The following CD163L1 variants were observed in gnomAD, a reference collection of about 807,000 sequenced individuals.
The protein encoded by CD163L1 is scavenger receptor cysteine-rich type 1 protein M160.
In CD163L1, 124 loss-of-function variants were observed where a neutral mutation model predicts 165.4. The ratio of observed to expected loss-of-function variants is 0.75; its 90% confidence interval spans 0.65 to 0.87. The LOEUF (loss-of-function observed/expected upper bound fraction) is 0.87, where lower values mean the gene tolerates loss of function less well. Ranked by LOEUF, CD163L1 falls within the 40% of genes least tolerant of loss-of-function variation. The probability of loss-of-function intolerance (pLI) is 0.00; values close to 1 mark genes in which losing one functional copy is unlikely to be tolerated. For synonymous variants in CD163L1, 585 were observed against 662.2 expected (o/e 0.88, Z 1.79); for missense variants, 1,525 against 1,799.9 (o/e 0.85, Z 2.76).
chr12:7,335,847 G>A, the CD163L1 span, among the ~76,000 whole-genome samples: 23 of 152,164 alleles, frequency 1.5e-4, no homozygotes, highest in Admixed American at 1.0e-3. Flanking sequence ...AGTGGGCAAA[G>A]GATATGAACA....
At chr12:7,328,364 A>G in the CD163L1 span, 2 of 1,587,880 alleles carry the variant, frequency 1.3e-6, no homozygotes, top group South Asian at 2.3e-5. Flanking sequence ...AAGAATGGAG[A>G]GGAAGATAGT....
intron 8 of CD163L1, among the ~76,000 whole-genome samples, chr12:7,393,934 T>C (rs1035196635): frequency 9.2e-5 from 14 of 152,050 alleles, no homozygotes; most frequent in Non-Finnish European, 1.6e-4. Context: ...CACAAACAAA[T>C]GGAAGAACAT....
At chr12:7,328,111 C>T in the CD163L1 span, among the ~76,000 whole-genome samples, 2 of 152,172 alleles carry the variant, frequency 1.3e-5, no homozygotes, top group African/African-American at 4.8e-5. Flanking sequence ...TGGAGCTACA[C>T]TATCACCCTT....
At position 7,373,459 on chromosome 12, in the gene CD163L1, T is replaced by C. The variant is rs1947184776; in HGVS notation, c.3591A>G (p.Leu1197=). The C allele has an allele frequency of 6.2e-7, 1 of 1,614,156 alleles. No individual in the cohort carries two copies. Among genetic ancestry groups the C allele is most frequent in the East Asian group, 2.2e-5 (1 of 44,878 alleles). ...ACATGAAACCAGAGCCTGTCTTAGA[T>C]AAAGGGGCGAGGCTGACAACTCCAT... ...GENGVVSLAP[L]SKTGSGFMWV... is the part of the protein sequence containing the mutation. Residue 1197 remains leucine, a synonymous_variant, in exon 14 of 20, where the codon TTA becomes TTG. Coordinates refer to ENST00000313599, the MANE Select transcript of CD163L1 (RefSeq NM_174941.6).
downstream of CD163L1, among the ~76,000 whole-genome samples, chr12:7,351,935 A>G (rs1946709004): frequency 6.6e-6 from 1 of 152,202 alleles, no homozygotes; most frequent in South Asian, 2.1e-4. Flanking sequence ...TGTTAGCAAT[A>G]GGCTATAATC....
chr12:7,323,519 C>T, the CD163L1 span: 1 of 1,613,858 alleles, frequency 6.2e-7, no homozygotes, highest in Non-Finnish European at 8.5e-7. Context: ...TGCCCTCAGA[C>T]TCAAACCTAC....
chr12:7,406,423 T>C, intron 5 of CD163L1, 109 bp downstream of exon 5: 5 of 1,013,348 alleles, frequency 4.9e-6, no homozygotes, highest in Non-Finnish European at 7.3e-6. Context: ...GGTTGTAACT[T>C]CTTCACAATT....
At chr12:7,396,819 G>GTC (rs933638492) in intron 7 of CD163L1, among the ~76,000 whole-genome samples, 3 of 151,320 alleles carry the variant, frequency 2.0e-5, no homozygotes, top group Non-Finnish European at 4.4e-5. Context: ...ATAAATCTCT[G>GTC]TCTCTCTCTC....
Position 7,398,476 on chromosome 12 carries a change from C to G in CD163L1, c.1517G>C (p.Ser506Thr). The change falls in exon 7 of 20, where the codon AGC (serine) becomes ACC (threonine). Residue 506 changes from serine to threonine, a missense_variant. Transcript: ENST00000313599. The surrounding 1 kb of genome is among the most constrained non-coding windows in gnomAD (Gnocchi z 4.5). ...ACAAACAACAGCTGCATTCCTTGTG[C>G]TCCATCTGTCATGACACACAGTCCC... ...EWGTVCHDRW[S>T]TRNAAVVCKQ... 2 of 1,613,980 alleles carry G rather than the reference C, an allele frequency of 1.2e-6. No homozygotes were observed. Among genetic ancestry groups the G allele is most frequent in the Non-Finnish European group, 8.5e-7 (1 of 1,179,878 alleles).
the CD163L1 span, among the ~76,000 whole-genome samples, chr12:7,334,520 C>T: frequency 6.6e-6 from 1 of 152,060 alleles, no homozygotes; most frequent in African/African-American, 2.4e-5. Flanking sequence ...TATGACAAAC[C>T]CACAGTCAAT....
At chr12:7,414,799 G>A (rs142561697) in intron 4 of CD163L1, among the ~76,000 whole-genome samples, 319 of 152,198 alleles carry the variant, frequency 2.1e-3, no homozygotes, top group African/African-American at 7.3e-3. Flanking sequence ...AGAGTGGGAT[G>A]AAATAGTGAA....
At chr12:7,361,487 A>G (rs1946890211) in intron 18 of CD163L1, among the ~76,000 whole-genome samples, 1 of 152,136 alleles carries the variant, frequency 6.6e-6, no homozygotes, top group African/African-American at 2.4e-5. Flanking sequence ...CTATTCAGAG[A>G]AGTAAGTCTT....
intron 8 of CD163L1, among the ~76,000 whole-genome samples, chr12:7,382,195 T>C (rs1040833326): frequency 1.3e-5 from 2 of 151,982 alleles, no homozygotes; most frequent in African/African-American, 4.8e-5. Flanking sequence ...GGGTAGTTTC[T>C]ATGGATTGGA....
chr12:7,341,317 A>G, the CD163L1 span, among the ~76,000 whole-genome samples: 1 of 152,220 alleles, frequency 6.6e-6, no homozygotes, highest in Non-Finnish European at 1.5e-5. Flanking sequence ...GACAATCTAT[A>G]CAGGTTGGGA....
At chr12:7,440,570 C>T (rs1948817373) in intron 2 of CD163L1, among the ~76,000 whole-genome samples, 1 of 151,520 alleles carries the variant, frequency 6.6e-6, no homozygotes, top group African/African-American at 2.4e-5. Context: ...TGCAAAAATA[C>T]AATATCCATA....
chr12:7,324,063 A>G, the CD163L1 span, among the ~76,000 whole-genome samples: 1 of 152,058 alleles, frequency 6.6e-6, no homozygotes, highest in Non-Finnish European at 1.5e-5. Flanking sequence ...CTGTGGTCCC[A>G]GCTACTCAGG....
At chr12:7,320,706 G>A in the CD163L1 span, 1 of 1,600,942 alleles carries the variant, frequency 6.2e-7, no homozygotes, top group Non-Finnish European at 8.6e-7. Flanking sequence ...TGACATCTGT[G>A]TCTTTCTCCA....
intron 8 of CD163L1, among the ~76,000 whole-genome samples, chr12:7,395,457 T>A (rs768665429): frequency 3.3e-5 from 5 of 151,974 alleles, no homozygotes; most frequent in Non-Finnish European, 7.4e-5. Flanking sequence ...GGTGGGGGAC[T>A]GGGGGAGGGA....
chr12:7,321,380 A>T, the CD163L1 span, among the ~76,000 whole-genome samples: 2 of 152,242 alleles, frequency 1.3e-5, no homozygotes, highest in Admixed American at 6.5e-5. Context: ...AACTCAATAC[A>T]TGAGGAGAGA....
Sources: gnomAD v4.1 joint callset for allele counts (sites outside exome capture counted in the v4.1 genomes callset) on GRCh38, gnomAD v4.1.1 for gene constraint, Gnocchi (gnomAD v3.1) non-coding constraint, MANE v1.5 for transcripts, NCBI Gene and HGNC (gene_info 2026-07-23, HGNC 2026-07-21) for gene names.